NUDCD1: variants seen among roughly 807,000 people sequenced by gnomAD.
The protein encoded by NUDCD1 is NudC domain containing 1.
A neutral mutation model predicts 67.8 loss-of-function variants in NUDCD1; 60 were observed. The observed-to-expected ratio is 0.88, with a 90% CI of 0.72 to 1.10. The LOEUF (loss-of-function observed/expected upper bound fraction) is 1.10, where lower values mean the gene tolerates loss of function less well. NUDCD1 is among the 50% of genes least tolerant of loss of function. The probability of loss-of-function intolerance (pLI) is 0.00; values close to 1 mark genes in which losing one functional copy is unlikely to be tolerated. For synonymous variants in NUDCD1, 244 were observed against 230.8 expected (o/e 1.06, Z -0.52); for missense variants, 643 against 695.0 (o/e 0.93, Z 0.84).
At chr8:109,291,865 A>T (rs1042070100) in intron 4 of NUDCD1, among the ~76,000 whole-genome samples, 2 of 152,138 alleles carry the variant, frequency 1.3e-5, no homozygotes, top group African/African-American at 2.4e-5. Context: ...AAAAGATGTT[A>T]CAGAACCAAG....
chr8:109,245,365 T>A lies in NUDCD1; in HGVS notation c.1416A>T (p.Lys472Asn). The change falls in exon 9 of 10, where the codon AAA becomes AAT. Residue 472 changes from lysine (K) to asparagine (N), a missense_variant. Coordinates refer to ENST00000239690, the MANE Select transcript of NUDCD1 (RefSeq NM_032869.4). ...CGATGTGCTCCCACATATCATCTTG[T>A]TTGCTGGAGTGTGGTTGCCAGAGTA... ...DALLWQPHSSKQDDMWEHIAT... is the reference protein window; with the variant it reads ...DALLWQPHSSNQDDMWEHIAT... 3 of 1,613,966 alleles carry A rather than the reference T, an allele frequency of 1.9e-6. No homozygotes were observed. The highest frequency in any genetic ancestry group is 2.5e-6 in the Non-Finnish European group (3 of 1,179,934).
At chr8:109,264,869 T>G (rs1331360714) in intron 8 of NUDCD1, among the ~76,000 whole-genome samples, 2 of 151,772 alleles carry the variant, frequency 1.3e-5, no homozygotes, top group Non-Finnish European at 2.9e-5. Context: ...TTTTTTACTC[T>G]GGAAAAGATC....
At chr8:109,267,604 G>A (rs1814032356) in intron 8 of NUDCD1, among the ~76,000 whole-genome samples, 1 of 152,072 alleles carries the variant, frequency 6.6e-6, no homozygotes, top group South Asian at 2.1e-4. Context: ...TAAAAAGAAA[G>A]TTTGGTTTAA....
rs765702910 is a variant in NUDCD1 at position 109,275,354 on chromosome 8, G to C, written c.1171C>G (p.Leu391Val). Residue 391 changes from leucine to valine, a missense_variant and splice_region_variant, in exon 7 of 10, where the codon CTG becomes GTG. Leu to Val is a conservative substitution (Grantham distance 32). Coordinates refer to ENST00000239690, the MANE Select transcript of NUDCD1 (RefSeq NM_032869.4). ...ERLMHLTSEE[L>V]NPNPDKEKPP... ...ACACTACTATTCCAACTACTTACCA[G>C]TTCTTCAGAGGTCAAATGCATCAAA... is the stretch of plus-strand genomic sequence containing the variant. The C allele has an allele frequency of 6.2e-7, 1 of 1,612,532 alleles. No individual in the cohort carries two copies. Among genetic ancestry groups the C allele is most frequent in the South Asian group, 1.1e-5 (1 of 90,798 alleles).
chr8:109,306,272 T>C (rs1358741283), intron 2 of NUDCD1, among the ~76,000 whole-genome samples: 1 of 152,208 alleles, frequency 6.6e-6, no homozygotes, highest in African/African-American at 2.4e-5. Context: ...ACTCCAATAC[T>C]TTCACCCTGA....
chr8:109,312,760 C>T (rs1243518380), intron 2 of NUDCD1, among the ~76,000 whole-genome samples: 1 of 152,182 alleles, frequency 6.6e-6, no homozygotes, highest in African/African-American at 2.4e-5. Context: ...ACTAGCTAGC[C>T]TGGCACTAAC....
intron 8 of NUDCD1, among the ~76,000 whole-genome samples, chr8:109,251,624 C>T (rs1813626443): frequency 6.6e-6 from 1 of 152,112 alleles, no homozygotes; most frequent in East Asian, 1.9e-4. Flanking sequence ...ATCCTAAGTG[C>T]TATTCCTGAT....
intron 6 of NUDCD1, among the ~76,000 whole-genome samples, chr8:109,276,486 C>A (rs139102337): frequency 1.3e-5 from 2 of 152,144 alleles, no homozygotes; most frequent in Non-Finnish European, 2.9e-5. Flanking sequence ...AAATAGGACA[C>A]GCAAACTTAC....
At chr8:109,306,604 C>G (rs910883285) in intron 2 of NUDCD1, among the ~76,000 whole-genome samples, 14 of 151,524 alleles carry the variant, frequency 9.2e-5, no homozygotes, top group African/African-American at 3.1e-4. Flanking sequence ...TCCAAAAACT[C>G]GCCAACCAAG....
chr8:109,266,932 T>TA (rs1814017129), intron 8 of NUDCD1, among the ~76,000 whole-genome samples: 1 of 152,182 alleles, frequency 6.6e-6, no homozygotes, highest in African/African-American at 2.4e-5. Context: ...ATTTAAAACA[T>TA]AGAGTTCTGA....
intron 8 of NUDCD1, among the ~76,000 whole-genome samples, chr8:109,247,461 G>A (rs16879252): frequency 0.071 from 10,750 of 152,176 alleles, 1,237 homozygotes; most frequent in African/African-American, 0.24. Context: ...TGACCACCAA[G>A]GGAGATCAAT....
At chr8:109,271,494 C>T (rs2926192) in intron 7 of NUDCD1, among the ~76,000 whole-genome samples, 54,719 of 151,872 alleles carry the variant, frequency 0.36, 10,696 homozygotes, top group South Asian at 0.5. Context: ...AAAAGACCAG[C>T]GAGCTTGAAA....
intron 2 of NUDCD1, among the ~76,000 whole-genome samples, chr8:109,303,550 G>A (rs1366438915): frequency 6.6e-6 from 1 of 152,066 alleles, no homozygotes; most frequent in Non-Finnish European, 1.5e-5. Flanking sequence ...ATCCTCACCT[G>A]CCCCGCTCCC....
At chr8:109,281,347 A>T (rs1814433716) in intron 5 of NUDCD1, among the ~76,000 whole-genome samples, 175 bp from the exon 6 acceptor site, 1 of 152,210 alleles carries the variant, frequency 6.6e-6, no homozygotes, top group Non-Finnish European at 1.5e-5. Flanking sequence ...ATTTGCAGCA[A>T]TTAACATGAA....
chr8:109,325,288 G>GT (rs1304023767), intron 1 of NUDCD1, among the ~76,000 whole-genome samples: 1 of 152,050 alleles, frequency 6.6e-6, no homozygotes, highest in Non-Finnish European at 1.5e-5. Context: ...GCACAGTTGG[G>GT]TGACTACAGT....
chr8:109,330,059 A>C (rs1193480234), intron 1 of NUDCD1: 2 of 441,096 alleles, frequency 4.5e-6, no homozygotes, highest in African/African-American at 4.1e-5. Flanking sequence ...GCTAGGTGAA[A>C]TATAGCTGGG....
intron 2 of NUDCD1, among the ~76,000 whole-genome samples, chr8:109,312,489 C>T (rs535745890): frequency 6.6e-6 from 1 of 152,140 alleles, no homozygotes; most frequent in South Asian, 2.1e-4. Context: ...TGAGGTGCTG[C>T]TATGGTTTTA....
At chr8:109,266,079 G>A (rs2129931812) in intron 8 of NUDCD1, among the ~76,000 whole-genome samples, 1 of 150,366 alleles carries the variant, frequency 6.7e-6, no homozygotes, top group African/African-American at 2.5e-5. Context: ...AATAAAATGG[G>A]AGCCACATAC....
chr8:109,323,907 CT>C (rs1258136815), intron 1 of NUDCD1, among the ~76,000 whole-genome samples: 1 of 151,998 alleles, frequency 6.6e-6, no homozygotes, highest in African/African-American at 2.4e-5. Flanking sequence ...ACTCCTATCT[CT>C]CATCATATGC....
Sources: allele counts gnomAD v4.1 joint callset (sites outside exome capture counted in the v4.1 genomes callset), GRCh38; gene constraint gnomAD v4.1.1; transcripts MANE v1.5; gene names NCBI Gene and HGNC (gene_info 2026-07-23, HGNC 2026-07-21).